The following DCC variants were observed in gnomAD, a reference collection of about 807,000 sequenced individuals.
DCC encodes the protein netrin receptor DCC.
A neutral mutation model predicts 172.5 loss-of-function variants in DCC; 58 were observed. The ratio of observed to expected loss-of-function variants is 0.34; its 90% confidence interval spans 0.27 to 0.42. DCC has a LOEUF of 0.42. Ranked by LOEUF, DCC falls within the 10% of genes least tolerant of loss-of-function variation. The pLI is 1.00. For missense variants in DCC, 1,740 were observed against 1,791.0 expected, an observed-to-expected ratio of 0.97 and a Z score of 0.51; for synonymous variants, 709 against 644.5, an observed-to-expected ratio of 1.10 and a Z score of -1.52.
Position 53,101,622 on chromosome 18 carries a change from G to A in DCC, c.1261+35456G>A, listed in dbSNP as rs552950046. On this transcript the variant is annotated intron_variant, in intron 7 of 28. Transcript: ENST00000442544. ...CATAAGGCTACTTAGCCAAGAAAAC[G>A]TAGAGGACAATTTACTTTTCACTGA... is the stretch of plus-strand genomic sequence containing the variant. Among the ~76,000 whole-genome samples, 145 of 152,216 alleles carry A rather than the reference G, an allele frequency of 9.5e-4. 1 individual carries two copies. The highest frequency in any genetic ancestry group is 1.6e-3 in the Non-Finnish European group (111 of 68,010).
chr18:53,296,978 A>T (rs771890544), intron 12 of DCC, among the ~76,000 whole-genome samples: 1 of 152,172 alleles, frequency 6.6e-6, no homozygotes, highest in African/African-American at 2.4e-5. Flanking sequence ...ACTGTGTTTG[A>T]CGAGGATCAA....
chr18:52,373,140 G>A lies in DCC; in HGVS notation c.91+32262G>A, dbSNP rs144787084. Among the ~76,000 whole-genome samples, 592 of 152,264 alleles carry A rather than the reference G, an allele frequency of 3.9e-3. 2 individuals are homozygous for A. Among genetic ancestry groups the A allele is most frequent in the Non-Finnish European group, 5.4e-3 (370 of 68,022 alleles). ...CCAGAAGAATAGTTTAATGGGAGAA[G>A]ATACGTGAATTTAGTAGAAGCATCA... is the stretch of plus-strand genomic sequence containing the variant. On this transcript the variant is annotated intron_variant, in intron 1 of 28. Coordinates refer to ENST00000442544, the MANE Select transcript of DCC (RefSeq NM_005215.4).
chr18:53,026,968 C>G (rs564814004), intron 5 of DCC, among the ~76,000 whole-genome samples: 1 of 152,072 alleles, frequency 6.6e-6, no homozygotes, highest in Admixed American at 6.6e-5. Context: ...GAATTTGTCT[C>G]ATCTTTCTCA....
intron 5 of DCC, chr18:52,941,265 G>A (rs1166037431): frequency 2.0e-4 from 31 of 151,974 alleles, no homozygotes; most frequent in Admixed American, 2.0e-3. Context: ...GAACTGGAAA[G>A]ATAATCAGGA....
At chr18:52,608,465 T>G in intron 1 of DCC, among the ~76,000 whole-genome samples, 1 of 152,204 alleles carries the variant, frequency 6.6e-6, no homozygotes. Flanking sequence ...AACCAATTCC[T>G]AAAGAAAGAA....
At chr18:52,379,247 GT>G (rs61660264) in intron 1 of DCC, among the ~76,000 whole-genome samples, 48 of 148,940 alleles carry the variant, frequency 3.2e-4, no homozygotes, top group African/African-American at 9.8e-4. Context: ...AAAGCATAAT[GT>G]TTTTTTTTTC....
intron 3 of DCC, among the ~76,000 whole-genome samples, chr18:52,920,381 TAA>T (rs993826154): frequency 1.8e-4 from 28 of 151,954 alleles, no homozygotes; most frequent in Non-Finnish European, 2.9e-5. Context: ...TAAAAATAGA[TAA>T]AAGATCTGAA....
At chr18:52,805,354 G>C (rs1353032960) in intron 2 of DCC, among the ~76,000 whole-genome samples, 1 of 152,210 alleles carries the variant, frequency 6.6e-6, no homozygotes, top group Non-Finnish European at 1.5e-5. Flanking sequence ...TGGAAGATGT[G>C]ACTCTGACAG....
At chr18:52,692,789 G>A (rs2035948679) in intron 1 of DCC, among the ~76,000 whole-genome samples, 1 of 151,986 alleles carries the variant, frequency 6.6e-6, no homozygotes, top group Admixed American at 6.6e-5. Flanking sequence ...TGGTGGGAGG[G>A]TACCTATAGT....
intron 5 of DCC, among the ~76,000 whole-genome samples, chr18:53,012,262 G>A (rs1374004309): frequency 6.6e-6 from 1 of 151,908 alleles, no homozygotes; most frequent in Non-Finnish European, 1.5e-5. Context: ...TTTATTCATA[G>A]TAGCAAAAAT....
At chr18:53,280,864 G>GT (rs1050944170) in intron 12 of DCC, among the ~76,000 whole-genome samples, 2 of 150,534 alleles carry the variant, frequency 1.3e-5, no homozygotes, top group African/African-American at 5.0e-5. Context: ...ATTTTTGTAG[G>GT]TAAAAAAAGT....
intron 15 of DCC, among the ~76,000 whole-genome samples, chr18:53,364,868 A>G (rs2057986024): frequency 6.6e-6 from 1 of 152,158 alleles, no homozygotes; most frequent in Admixed American, 6.5e-5. Context: ...GCACACATAC[A>G]TACACAGATA....
chr18:53,363,559 G>T (rs998632483), intron 15 of DCC, among the ~76,000 whole-genome samples: 4 of 152,018 alleles, frequency 2.6e-5, no homozygotes, highest in Admixed American at 2.6e-4. Flanking sequence ...TCTCTCCCGT[G>T]GCCCTCTCTC....
At chr18:53,065,905 C>A in intron 6 of DCC, 141 bp from the exon 7 acceptor site, 1 of 950,740 alleles carries the variant, frequency 1.1e-6, no homozygotes, top group Non-Finnish European at 1.7e-6. Flanking sequence ...TAGGACACGT[C>A]TGCGAGGCTG....
chr18:52,782,299 T>A (rs2037560174), intron 2 of DCC, among the ~76,000 whole-genome samples: 1 of 152,142 alleles, frequency 6.6e-6, no homozygotes, highest in African/African-American at 2.4e-5. Context: ...GGAGTTTTAT[T>A]GTGAAGGTTT....
At chr18:53,433,286 TG>T (rs1434623745) in intron 21 of DCC, among the ~76,000 whole-genome samples, 1 of 152,198 alleles carries the variant, frequency 6.6e-6, no homozygotes, top group Non-Finnish European at 1.5e-5. Flanking sequence ...TAGAGCTATA[TG>T]TGTATGTAAT....
At chr18:52,804,288 T>G (rs1246196594) in intron 2 of DCC, among the ~76,000 whole-genome samples, 1 of 152,154 alleles carries the variant, frequency 6.6e-6, no homozygotes, top group East Asian at 1.9e-4. Context: ...AGGAAGAAAC[T>G]GGGGCTTAGA....
intron 7 of DCC, among the ~76,000 whole-genome samples, chr18:53,098,395 A>C (rs2043117023): frequency 6.6e-6 from 1 of 151,956 alleles, no homozygotes; most frequent in African/African-American, 2.4e-5. Flanking sequence ...TAGTTTTCCT[A>C]TTTTCTAGTT....
At chr18:52,473,122 T>C (rs1314976189) in intron 1 of DCC, among the ~76,000 whole-genome samples, 10 of 152,162 alleles carry the variant, frequency 6.6e-5, no homozygotes, top group African/African-American at 2.4e-4. Context: ...TTTTCATTAT[T>C]TTTAGAAGCT....
Sources: allele counts gnomAD v4.1 joint callset (sites outside exome capture counted in the v4.1 genomes callset), GRCh38; gene constraint gnomAD v4.1.1; transcripts MANE v1.5; gene names NCBI Gene and HGNC (gene_info 2026-07-23, HGNC 2026-07-21).